NTRK3: variants seen among roughly 807,000 people sequenced by gnomAD.
NTRK3 encodes the protein NT-3 growth factor receptor.
A neutral mutation model predicts 91.7 loss-of-function variants in NTRK3; 24 were observed. The observed-to-expected ratio is 0.26, with a 90% CI of 0.19 to 0.37. The LOEUF (loss-of-function observed/expected upper bound fraction) is 0.37, where lower values mean the gene tolerates loss of function less well. Among genes scored for constraint, NTRK3 ranks in the 10% least tolerant of loss-of-function variants. The pLI, the probability that NTRK3 is intolerant of heterozygous loss-of-function variation, is 1.00. For missense variants in NTRK3, 880 were observed against 1,068.9 expected (o/e 0.82, Z 2.46); for synonymous variants, 483 against 404.0 (o/e 1.20, Z -2.34).
At chr15:88,185,369 T>A (rs1567606833) in intron 3 of NTRK3, among the ~76,000 whole-genome samples, 1 of 152,200 alleles carries the variant, frequency 6.6e-6, no homozygotes, top group South Asian at 2.1e-4. Flanking sequence ...TGGGTATGGA[T>A]CTGATTTCTG....
chr15:88,140,894 A>T (rs530743080), intron 6 of NTRK3, among the ~76,000 whole-genome samples: 1 of 152,334 alleles, frequency 6.6e-6, no homozygotes, highest in African/African-American at 2.4e-5. Flanking sequence ...GAGAAGATCC[A>T]GTTAACATCA....
chr15:88,033,454 G>A (rs1295649532), intron 13 of NTRK3, among the ~76,000 whole-genome samples: 2 of 151,608 alleles, frequency 1.3e-5, no homozygotes, highest in Non-Finnish European at 2.9e-5. Flanking sequence ...GGGATTACAG[G>A]TGCCTGCCAC....
intron 18 of NTRK3, among the ~76,000 whole-genome samples, chr15:87,877,512 AT>A: frequency 6.6e-6 from 1 of 152,016 alleles, no homozygotes; most frequent in African/African-American, 2.4e-5. Flanking sequence ...TCCCCCTTTC[AT>A]GAGCCTGCCT....
intron 14 of NTRK3, among the ~76,000 whole-genome samples, chr15:87,994,087 T>C (rs1055286618): frequency 2.0e-5 from 3 of 151,938 alleles, no homozygotes; most frequent in Non-Finnish European, 2.9e-5. Flanking sequence ...AGCTGAGGGA[T>C]TGTAGTGAGG....
chr15:88,032,106 G>A (rs1389571048), intron 14 of NTRK3, among the ~76,000 whole-genome samples: 1 of 152,108 alleles, frequency 6.6e-6, no homozygotes, highest in African/African-American at 2.4e-5. Flanking sequence ...TAGGAGGAGC[G>A]GGGGTCTGCT....
At chr15:88,216,521 C>T (rs954381541) in intron 3 of NTRK3, among the ~76,000 whole-genome samples, 14 of 152,308 alleles carry the variant, frequency 9.2e-5, no homozygotes, top group South Asian at 2.1e-4. Context: ...CGATTCTGCA[C>T]GACCCCAAAT....
chr15:87,973,122 G>T (rs1418972425), intron 14 of NTRK3, among the ~76,000 whole-genome samples: 1 of 152,144 alleles, frequency 6.6e-6, no homozygotes, highest in Admixed American at 6.5e-5. Context: ...CAAGCATAAT[G>T]AGGAGAGAAG....
intron 14 of NTRK3, among the ~76,000 whole-genome samples, chr15:88,032,377 T>G (rs1199516598): frequency 6.6e-6 from 1 of 152,072 alleles, no homozygotes; most frequent in South Asian, 2.1e-4. Context: ...TCTCAGAAAG[T>G]GCACACTTCG....
chr15:88,104,520 T>A (rs571213736), intron 13 of NTRK3, among the ~76,000 whole-genome samples: 2 of 152,288 alleles, frequency 1.3e-5, no homozygotes, highest in African/African-American at 4.8e-5. Context: ...ATCAGCACAA[T>A]GTTTTGACTT....
intron 14 of NTRK3, among the ~76,000 whole-genome samples, chr15:88,006,158 G>A (rs1243785011): frequency 1.3e-5 from 2 of 152,186 alleles, no homozygotes; most frequent in African/African-American, 4.8e-5. Flanking sequence ...AAGCACCAGG[G>A]TGGATGATTA....
intron 9 of NTRK3, 140 bp downstream of exon 9, chr15:88,135,759 C>T (rs1376839448): frequency 8.7e-7 from 1 of 1,152,518 alleles, no homozygotes; most frequent in Non-Finnish European, 1.2e-6. Flanking sequence ...CTCAGTCCTG[C>T]CCTACAAGAG....
chr15:88,009,105 G>A (rs1216966540), intron 14 of NTRK3, among the ~76,000 whole-genome samples: 1 of 152,184 alleles, frequency 6.6e-6, no homozygotes, highest in Non-Finnish European at 1.5e-5. Flanking sequence ...TGTTTTTGAG[G>A]CTTATAGCTA....
intron 13 of NTRK3, among the ~76,000 whole-genome samples, chr15:88,060,734 T>A (rs893260260): frequency 6.6e-5 from 10 of 151,824 alleles, no homozygotes; most frequent in African/African-American, 2.4e-4. Context: ...TGGGTTGGGG[T>A]AGAAGTGGAA....
intron 14 of NTRK3, among the ~76,000 whole-genome samples, chr15:88,030,239 G>C (rs557432801): frequency 5.3e-5 from 8 of 152,258 alleles, no homozygotes; most frequent in African/African-American, 1.9e-4. Flanking sequence ...CTGAAGAACC[G>C]TCTGGATCCT....
chr15:87,999,455 T>G (rs2075945315), intron 14 of NTRK3, among the ~76,000 whole-genome samples: 3 of 152,236 alleles, frequency 2.0e-5, no homozygotes, highest in East Asian at 1.9e-4. Context: ...TATTCATCTT[T>G]GTTGCATTAC....
chr15:88,057,753 G>T (rs1193969338), intron 13 of NTRK3, among the ~76,000 whole-genome samples: 2 of 152,208 alleles, frequency 1.3e-5, no homozygotes, highest in African/African-American at 2.4e-5. Flanking sequence ...AGCCACCCAG[G>T]GCTGCACCCA....
At chr15:88,094,454 C>A (rs1444615409) in intron 13 of NTRK3, among the ~76,000 whole-genome samples, 9 of 119,004 alleles carry the variant, frequency 7.6e-5, no homozygotes, top group Non-Finnish European at 1.3e-4. Context: ...CCCGACTGGG[C>A]GACAGAGCGA....
At chr15:88,156,369 C>A (rs1194246195) in intron 5 of NTRK3, among the ~76,000 whole-genome samples, 1 of 152,200 alleles carries the variant, frequency 6.6e-6, no homozygotes, top group Non-Finnish European at 1.5e-5. Context: ...CCCACCTAAT[C>A]AAGTCCAAAC....
At chr15:88,089,382 G>T (rs773807710) in intron 13 of NTRK3, among the ~76,000 whole-genome samples, 15 of 152,212 alleles carry the variant, frequency 9.9e-5, no homozygotes, top group Admixed American at 3.3e-4. Flanking sequence ...TGTACGTGGA[G>T]ATTTATGCAC....
Sources: allele counts gnomAD v4.1 joint callset (sites outside exome capture counted in the v4.1 genomes callset), GRCh38; gene constraint gnomAD v4.1.1; transcripts MANE v1.5; gene names NCBI Gene and HGNC (gene_info 2026-07-23, HGNC 2026-07-21).